The following STEEP1 variants were observed in gnomAD, a reference collection of about 807,000 sequenced individuals.
The protein encoded by STEEP1 is STING ER exit protein.
In STEEP1, 3 loss-of-function variants were observed where a neutral mutation model predicts 19.2. The ratio of observed to expected loss-of-function variants is 0.16; its 90% CI spans 0.07 to 0.40. STEEP1 has a LOEUF of 0.40. STEEP1 is among the 10% of genes least tolerant of loss of function. The pLI is 0.99. For missense variants in STEEP1, 54 were observed against 177.1 expected (o/e 0.30, Z 3.94); for synonymous variants, 46 against 63.7 (o/e 0.72, Z 1.32).
chrX:119,565,106 T>TAGGGATG (rs2147365884), intron 1 of STEEP1, 126 bp downstream of exon 1: 2 of 1,058,928 alleles, frequency 1.9e-6, no homozygotes, highest in South Asian at 5.3e-5. Context: ...GAGGATTTAG[T>TAGGGATG]CGGAGAGAGA....
chrX:119,546,069 T>C (rs894562064), intron 2 of STEEP1, among the ~76,000 whole-genome samples: 1 of 110,433 alleles, frequency 9.1e-6, no homozygotes, highest in Non-Finnish European at 1.9e-5. Flanking sequence ...ATAGTAGTTG[T>C]AGTAATAACA....
At chrX:119,552,617 G>A (rs2053251126) in intron 2 of STEEP1, among the ~76,000 whole-genome samples, 1 of 111,454 alleles carries the variant, frequency 9.0e-6, no homozygotes, top group South Asian at 3.8e-4. Flanking sequence ...TGTCCTCCTG[G>A]GTTGTTATGG....
chrX:119,559,788 C>T (rs1241424447), intron 2 of STEEP1, among the ~76,000 whole-genome samples: 2 of 112,501 alleles, frequency 1.8e-5, no homozygotes, highest in East Asian at 5.6e-4. Flanking sequence ...GTGGCTTATG[C>T]CTGTAATCCC....
rs1000971507 is a variant in STEEP1, at chrX:119,539,296, C to A, written c.*431G>T. ...CCTGTAATCCCAGCACTTTGGGAGG[C>A]CTAGGTGGGTGGATCATTTGAGGTC... On this transcript the variant is annotated 3_prime_UTR_variant, in exon 7 of 7. Transcript: ENST00000644802. 1 of 114,285 alleles carries A rather than the reference C, an allele frequency of 8.8e-6. No individual in the cohort carries two copies. Among genetic ancestry groups the A allele is most frequent in the Admixed American group, 9.1e-5 (1 of 11,000 alleles). 9.4% of individuals were successfully genotyped at this position (114,285 alleles called of 1,213,427 possible).
At position 119,539,812 on chromosome X, in the gene STEEP1, T is replaced by A. The variant is rs1429121470; in HGVS notation, c.607-23A>T. ...AGCCTAGAAAGAAAAAAAAAGCATA[T>A]GTCTTGATACATGACATGAAATTAT... On this transcript the variant is annotated intron_variant, in intron 6 of 6. Coordinates refer to ENST00000644802, the MANE Select transcript of STEEP1 (RefSeq NM_022101.4). 2.6e-6 allele frequency: 3 copies of A among 1,140,115 alleles called. No individual in the cohort carries two copies. In the South Asian group the frequency reaches 5.5e-5, roughly 21 times the overall value. 94.0% of individuals were successfully genotyped at this position (1,140,115 alleles called of 1,213,427 possible). A position where few individuals can be genotyped will look rare whatever the true frequency, so the allele number is the denominator to read the frequency against.
At chrX:119,543,900 G>A (rs2053182416) in intron 4 of STEEP1, among the ~76,000 whole-genome samples, 1 of 112,514 alleles carries the variant, frequency 8.9e-6, no homozygotes, top group Admixed American at 9.5e-5. Flanking sequence ...ATTAATGTGA[G>A]TAAAAACCAT....
chrX:119,555,164 C>T (rs1342338626), intron 2 of STEEP1, among the ~76,000 whole-genome samples: 1 of 109,721 alleles, frequency 9.1e-6, no homozygotes, highest in Non-Finnish European at 1.9e-5. Flanking sequence ...TTAATCGCAG[C>T]TTCATGAGAG....
At chrX:119,547,787 TGGGCAATG>T (rs761858938) in intron 2 of STEEP1, among the ~76,000 whole-genome samples, 1 of 111,931 alleles carries the variant, frequency 8.9e-6, no homozygotes, top group African/African-American at 3.2e-5. Context: ...ATTTTTTAAA[TGGGCAATG>T]GACCTGAACA....
intron 1 of STEEP1, among the ~76,000 whole-genome samples, chrX:119,561,489 C>A (rs2053320390): frequency 9.1e-6 from 1 of 109,296 alleles, no homozygotes; most frequent in African/African-American, 3.3e-5. Flanking sequence ...CAACATATAG[C>A]GAAACCGTCT....
rs750276905 is a variant in STEEP1 at position 119,539,648 on chromosome X, C to T, written c.*79G>A. 7 of 755,914 alleles carry T rather than the reference C, an allele frequency of 9.3e-6. No homozygotes were observed. The African/African-American group carries it at 1.3e-4, about 14-fold the overall frequency. 62.3% of individuals were successfully genotyped at this position (755,914 alleles called of 1,213,427 possible). On this transcript the variant is annotated 3_prime_UTR_variant, in exon 7 of 7. Coordinates refer to ENST00000644802, the MANE Select transcript of STEEP1 (RefSeq NM_022101.4). ...CTTCTGCTAGGGCATAAATAGGAATCCGTCTATGTAATCAAGAAATTACTT... is the reference window on the plus strand; with the variant it reads ...CTTCTGCTAGGGCATAAATAGGAATTCGTCTATGTAATCAAGAAATTACTT...
intron 1 of STEEP1, among the ~76,000 whole-genome samples, chrX:119,563,398 AT>A (rs2053334191): frequency 9.1e-6 from 1 of 109,761 alleles, no homozygotes; most frequent in Non-Finnish European, 1.9e-5. Context: ...AAAATACAAA[AT>A]TAGCCGGGCG....
chrX:119,541,287 A>T (rs755330217), intron 6 of STEEP1, 41 bp downstream of exon 6: 3 of 773,356 alleles, frequency 3.9e-6, no homozygotes, highest in Non-Finnish European at 6.0e-6. Context: ...AAGACATCCA[A>T]ATGATAGGGC....
chrX:119,544,613 T>G, intron 3 of STEEP1, 122 bp from the exon 4 acceptor site: 3 of 667,182 alleles, frequency 4.5e-6, no homozygotes, highest in East Asian at 3.6e-5. Context: ...TGACTGGCTC[T>G]TCTCAGTGTC....
At chrX:119,541,281 C>T in intron 6 of STEEP1, 47 bp downstream of exon 6, 2 of 727,695 alleles carry the variant, frequency 2.7e-6, no homozygotes, top group East Asian at 3.2e-5. Flanking sequence ...CAGACCAAGA[C>T]ATCCAAATGA....
In STEEP1 at chrX:119,538,835, G is replaced by A. The variant is rs1450806678; in HGVS notation, c.*892C>T. The A allele has an allele frequency of 4.5e-5, 5 of 111,405 alleles. No homozygotes were observed. Among genetic ancestry groups the A allele is most frequent in the African/African-American group, 1.3e-4 (4 of 30,624 alleles). 9.2% of individuals were successfully genotyped at this position (111,405 alleles called of 1,213,427 possible). On this transcript the variant is annotated 3_prime_UTR_variant, in exon 7 of 7. Transcript: ENST00000644802. ...CCTTCTTTGAGTATAAAGTCGATACGGGATGGCTCGCCTACAGCTTCAGTG... is the reference window on the plus strand; with the variant it reads ...CCTTCTTTGAGTATAAAGTCGATACAGGATGGCTCGCCTACAGCTTCAGTG...
At chrX:119,545,122 G>A (rs1355794762) in intron 3 of STEEP1, among the ~76,000 whole-genome samples, 1 of 109,959 alleles carries the variant, frequency 9.1e-6, no homozygotes, top group Non-Finnish European at 1.9e-5. Flanking sequence ...TGGAGGCTGA[G>A]GTGGGCGGAT....
At chrX:119,542,997 C>CAAAAAAAAAAAAAA (rs60574433) in intron 4 of STEEP1, among the ~76,000 whole-genome samples, 1 of 47,929 alleles carries the variant, frequency 2.1e-5, no homozygotes, top group Non-Finnish European at 3.6e-5. Flanking sequence ...CTGGGTCTCG[C>CAAAAAAAAAAAAAA]AAAAAAAAAA....
chrX:119,562,149 C>A (rs1350175415), intron 1 of STEEP1, among the ~76,000 whole-genome samples: 1 of 112,453 alleles, frequency 8.9e-6, no homozygotes, highest in African/African-American at 3.2e-5. Flanking sequence ...GTAATCCCAG[C>A]ACTTTGGGAA....
intron 4 of STEEP1, among the ~76,000 whole-genome samples, chrX:119,543,114 G>A (rs994087213): frequency 9.2e-6 from 1 of 108,992 alleles, no homozygotes; most frequent in African/African-American, 3.3e-5. Context: ...CTCCTGCCTT[G>A]GCCTCCCAAA....
Sources: allele counts gnomAD v4.1 joint callset (sites outside exome capture counted in the v4.1 genomes callset), GRCh38; gene constraint gnomAD v4.1.1; transcripts MANE v1.5; gene names NCBI Gene and HGNC (gene_info 2026-07-23, HGNC 2026-07-21).